The following ATL1 variants were observed in gnomAD, a reference collection of about 807,000 sequenced individuals.
The protein encoded by ATL1 is atlastin GTPase 1.
In ATL1, 31 loss-of-function variants were observed where a neutral mutation model predicts 75.5. That is an observed-to-expected ratio of 0.41 (90% CI 0.31 to 0.55). ATL1 has a LOEUF of 0.55. Among genes scored for constraint, ATL1 ranks in the 20% least tolerant of loss-of-function variants. The probability of loss-of-function intolerance (pLI) is 0.27; values close to 1 mark genes in which losing one functional copy is unlikely to be tolerated. For missense variants in ATL1, 405 were observed against 662.6 expected, an observed-to-expected ratio of 0.61 and a Z score of 4.27; for synonymous variants, 226 against 233.3, an observed-to-expected ratio of 0.97 and a Z score of 0.28.
intron 1 of ATL1, among the ~76,000 whole-genome samples, chr14:50,562,617 C>A (rs1246327676): frequency 6.6e-6 from 1 of 151,964 alleles, no homozygotes; most frequent in Non-Finnish European, 1.5e-5. Flanking sequence ...GATAGTTTAC[C>A]CAGAAGTCAT....
chr14:50,546,524 G>A (rs1603013), intron 1 of ATL1, among the ~76,000 whole-genome samples: 151,409 of 152,346 alleles, frequency 0.99, 75,249 homozygotes, highest in Middle Eastern at 1. Flanking sequence ...TTTTAAGTTT[G>A]TGTAAATTTA....
chr14:50,596,267 G>A (rs539856676), intron 6 of ATL1, among the ~76,000 whole-genome samples: 1 of 151,902 alleles, frequency 6.6e-6, no homozygotes, highest in Non-Finnish European at 1.5e-5. Flanking sequence ...CCAAGAGTTT[G>A]AGTCCAGCCT....
At chr14:50,589,446 C>G (rs2039134738) in intron 2 of ATL1, among the ~76,000 whole-genome samples, 2 of 152,138 alleles carry the variant, frequency 1.3e-5, no homozygotes, top group African/African-American at 4.8e-5. Flanking sequence ...ACATGAGCCA[C>G]CATGCCCAGC....
chr14:50,620,323 G>T (rs932870174), intron 8 of ATL1, among the ~76,000 whole-genome samples: 1 of 152,098 alleles, frequency 6.6e-6, no homozygotes, highest in Non-Finnish European at 1.5e-5. Flanking sequence ...TACATACAAA[G>T]CATACATGTA....
intron 1 of ATL1, among the ~76,000 whole-genome samples, chr14:50,577,358 C>T (rs1231302798): frequency 6.6e-6 from 1 of 152,182 alleles, no homozygotes; most frequent in Non-Finnish European, 1.5e-5. Flanking sequence ...CCACTGTGCC[C>T]AGGCTATACA....
In ATL1 at chr14:50,546,822, G is replaced by A. The variant is rs1286296428; in HGVS notation, c.-139-13305G>A. 5.8e-5 allele frequency among the ~76,000 whole-genome samples: 5 copies of A among 86,502 alleles called. No individual in the cohort carries two copies. In the South Asian group the frequency reaches 2.1e-3, roughly 36 times the overall value. The allele number at this position is 86,502 out of a possible 152,430, so 56.7% of individuals were successfully genotyped here. On this transcript the variant is annotated intron_variant, in intron 1 of 13. Coordinates refer to the ATL1 transcript ENST00000441560. ...AAATCTTCTGAATTATCAGCAAAAT[G>A]CCCATGTGTTTAAGGTTTTTTTTTA...
At chr14:50,588,657 G>A (rs1252124872) in intron 2 of ATL1, among the ~76,000 whole-genome samples, 1 of 152,114 alleles carries the variant, frequency 6.6e-6, no homozygotes, top group African/African-American at 2.4e-5. Flanking sequence ...GGGAGGCCGA[G>A]GTGGGTGGAT....
rs138413496 is a variant in ATL1 at position 50,597,850 on chromosome 14, A to G, written c.630+2218A>G. 6.8e-3 allele frequency among the ~76,000 whole-genome samples: 1,034 copies of G among 152,124 alleles called. 11 individuals are homozygous for G. The highest frequency in any genetic ancestry group is 0.024 in the African/African-American group (1,002 of 41,488). Reference sequence around the variant, plus strand: ...GCTGAGACTACAGGTGCCCGCCACCACACCCAGCTAATTTTTTTGTGTTTT... The same window carrying G: ...GCTGAGACTACAGGTGCCCGCCACCGCACCCAGCTAATTTTTTTGTGTTTT... On this transcript the variant is annotated intron_variant, in intron 6 of 13. Coordinates refer to ENST00000358385, the MANE Select transcript of ATL1 (RefSeq NM_015915.5).
At chr14:50,567,205 G>A (rs907397612) in intron 1 of ATL1, among the ~76,000 whole-genome samples, 3 of 152,134 alleles carry the variant, frequency 2.0e-5, no homozygotes, top group Admixed American at 6.5e-5. Flanking sequence ...TGTACCTCAC[G>A]TTAGTGGAAT....
rs190557622 is a variant in ATL1 at position 50,594,265 on chromosome 14, C to T, written c.573+369C>T. On this transcript the variant is annotated intron_variant, in intron 5 of 13. Coordinates refer to ENST00000358385, the MANE Select transcript of ATL1 (RefSeq NM_015915.5). ...AACTCACTCACTATGGCGAGAACAG[C>T]GAGAACAGAGAACAGCGTGGGGGAA... Among the ~76,000 whole-genome samples the T allele has an allele frequency of 1.5e-3, 222 of 152,184 alleles. 2 individuals carry two copies. Among genetic ancestry groups the T allele is most frequent in the Non-Finnish European group, 1.3e-3 (90 of 67,994 alleles).
chr14:50,630,058 G>A lies in ATL1; in HGVS notation c.1566+49G>A, dbSNP rs774268485. 9 of 1,298,936 alleles carry A rather than the reference G, an allele frequency of 6.9e-6. No homozygotes were observed. In the South Asian group the frequency reaches 1.2e-4, roughly 17 times the overall value. The allele number at this position is 1,298,936 out of a possible 1,614,324, so 80.5% of individuals were successfully genotyped here. A position where few individuals can be genotyped will look rare whatever the true frequency, so the allele number is the denominator to read the frequency against. On this transcript the variant is annotated intron_variant, in intron 13 of 13. Coordinates refer to ENST00000358385, the MANE Select transcript of ATL1 (RefSeq NM_015915.5). The stretch of plus-strand genomic sequence containing the variant: ...AGAGCTATGTATGTGTAAACATTAT[G>A]ATATTATTTTATAAACTGACTAAGC...
At chr14:50,589,653 T>A (rs2039137330) in intron 2 of ATL1, among the ~76,000 whole-genome samples, 1 of 152,208 alleles carries the variant, frequency 6.6e-6, no homozygotes, top group Admixed American at 6.5e-5. Flanking sequence ...GTACACCTTC[T>A]TCCCTAGAGT....
intron 1 of ATL1, among the ~76,000 whole-genome samples, chr14:50,575,868 C>T (rs2039001232): frequency 6.6e-6 from 1 of 152,138 alleles, no homozygotes; most frequent in African/African-American, 2.4e-5. Context: ...TCCCCTTCTA[C>T]ATGGCTAAAT....
chr14:50,599,911 G>A (rs2039256078), intron 6 of ATL1, among the ~76,000 whole-genome samples: 2 of 152,030 alleles, frequency 1.3e-5, no homozygotes, highest in Non-Finnish European at 2.9e-5. Flanking sequence ...GTGGGGAGGA[G>A]GTGAGGTAGA....
Position 50,620,696 on chromosome 14 carries a change from C to A in ATL1, c.960C>A (p.Ile320=). The change falls in exon 9 of 14, where the codon ATC becomes ATA. Residue 320 remains isoleucine, a synonymous_variant. Coordinates refer to ENST00000358385, the MANE Select transcript of ATL1 (RefSeq NM_015915.5). ...LDIKEINGNK[I]TCRGLVEYFK... The stretch of plus-strand genomic sequence containing the variant: ...TTAAAGAGATCAATGGGAATAAAAT[C>A]ACCTGCCGGGGTCTGGTGGAGTACT... 6.2e-7 allele frequency: 1 copy of A among 1,613,722 alleles called. No individual in the cohort carries two copies. The highest frequency in any genetic ancestry group is 1.1e-5 in the South Asian group (1 of 91,066).
intron 6 of ATL1, among the ~76,000 whole-genome samples, chr14:50,608,022 C>A (rs1189723348): frequency 1.3e-5 from 2 of 152,034 alleles, no homozygotes. Flanking sequence ...TAAAATTTGT[C>A]ATGATTTTAA....
At chr14:50,574,844 G>A (rs535938222) in intron 1 of ATL1, among the ~76,000 whole-genome samples, 4 of 147,206 alleles carry the variant, frequency 2.7e-5, no homozygotes, top group South Asian at 4.3e-4. Context: ...AAATAAATAC[G>A]CATGGAATTG....
At chr14:50,622,305 G>T (rs113313291) in intron 10 of ATL1, among the ~76,000 whole-genome samples, 14 of 152,056 alleles carry the variant, frequency 9.2e-5, no homozygotes, top group African/African-American at 3.1e-4. Context: ...GAGGCAGGAG[G>T]ATCACTTGAG....
intron 1 of ATL1, among the ~76,000 whole-genome samples, chr14:50,553,825 A>G (rs2038733393): frequency 6.6e-6 from 1 of 152,218 alleles, no homozygotes; most frequent in African/African-American, 2.4e-5. Flanking sequence ...GTTGGAGGCC[A>G]TTATTCTAAG....
Sources: allele counts gnomAD v4.1 joint callset (sites outside exome capture counted in the v4.1 genomes callset), GRCh38; gene constraint gnomAD v4.1.1; transcripts MANE v1.5; gene names NCBI Gene and HGNC (gene_info 2026-07-23, HGNC 2026-07-21).